GLIS1: variants seen among roughly 807,000 people sequenced by gnomAD.
The protein encoded by GLIS1 is zinc finger protein GLIS1.
In GLIS1, 24 loss-of-function variants were observed where a neutral mutation model predicts 63.8. The observed-to-expected ratio is 0.38, with a 90% CI of 0.27 to 0.53. The LOEUF (loss-of-function observed/expected upper bound fraction) is 0.53, where lower values mean the gene tolerates loss of function less well. GLIS1 is among the 20% of genes least tolerant of loss of function. GLIS1 has a pLI of 0.85. For missense variants in GLIS1, 1,036 were observed against 1,074.1 expected (o/e 0.96, Z 0.50); for synonymous variants, 450 against 482.5 (o/e 0.93, Z 0.88).
chr1:53,556,155 GCTGTGTGTGTGT>G, intron 4 of GLIS1, among the ~76,000 whole-genome samples: 1 of 137,712 alleles, frequency 7.3e-6, no homozygotes, highest in Non-Finnish European at 1.5e-5. Flanking sequence ...GTGTACTGCA[GCTGTGTGTGTGT>G]ATGCAGGTGT....
At chr1:53,648,367 T>G (rs1388506347) in intron 2 of GLIS1, among the ~76,000 whole-genome samples, 2 of 152,134 alleles carry the variant, frequency 1.3e-5, no homozygotes, top group African/African-American at 4.8e-5. Flanking sequence ...CATCGTATGT[T>G]AGATGGGGAG....
chr1:53,688,088 C>T (rs1185614215), intron 2 of GLIS1, among the ~76,000 whole-genome samples: 1 of 152,202 alleles, frequency 6.6e-6, no homozygotes, highest in African/African-American at 2.4e-5. Flanking sequence ...CTGGCCCTGC[C>T]CCAGCGCGTT....
At chr1:53,506,894 G>A (rs566371153) in intron 10 of GLIS1, 118 bp from the exon 11 acceptor site, 13 of 1,046,250 alleles carry the variant, frequency 1.2e-5, no homozygotes, top group East Asian at 1.0e-4. Context: ...GTGTCCCGTC[G>A]GTGGGGCCTG....
At chr1:53,632,422 GATGA>G (rs745423667) in intron 2 of GLIS1, among the ~76,000 whole-genome samples, 3 of 143,362 alleles carry the variant, frequency 2.1e-5, no homozygotes, top group Non-Finnish European at 4.6e-5. Context: ...GGGGCATGTG[GATGA>G]ATATGACTGA....
chr1:53,610,448 A>G (rs1397672804), intron 2 of GLIS1, among the ~76,000 whole-genome samples: 1 of 152,222 alleles, frequency 6.6e-6, no homozygotes, highest in Non-Finnish European at 1.5e-5. Flanking sequence ...TGCTGGGTAT[A>G]GAATTCTAAG....
At chr1:53,662,638 C>T (rs1646041618) in intron 2 of GLIS1, among the ~76,000 whole-genome samples, 1 of 152,134 alleles carries the variant, frequency 6.6e-6, no homozygotes, top group African/African-American at 2.4e-5. Flanking sequence ...GCTTAGCCAA[C>T]TCCATAAGGG....
At chr1:53,533,757 C>T (rs554531205) in intron 4 of GLIS1, among the ~76,000 whole-genome samples, 2 of 151,136 alleles carry the variant, frequency 1.3e-5, no homozygotes, top group South Asian at 2.1e-4. Context: ...CAGCTGGCTG[C>T]CAAGGTCCCT....
Position 53,539,583 on chromosome 1 carries a change from G to A in GLIS1, c.1321-9631C>T, listed in dbSNP as rs1352848718. ...ACACTACACATCATACACATAAACT[G>A]TGTTTACACCCCATGACTCATATCA... On this transcript the variant is annotated intron_variant, in intron 4 of 10. Coordinates refer to ENST00000628545, the MANE Select transcript of GLIS1 (RefSeq NM_001367484.1). The surrounding 1 kb of genome is among the most constrained non-coding windows in gnomAD (Gnocchi z 5.0). Among the ~76,000 whole-genome samples, 6 of 148,304 alleles carry A rather than the reference G, an allele frequency of 4.0e-5. No homozygotes were observed. The highest frequency in any genetic ancestry group is 1.5e-4 in the African/African-American group (6 of 39,890).
chr1:53,575,316 A>T (rs1377886886), intron 4 of GLIS1, among the ~76,000 whole-genome samples: 1 of 152,064 alleles, frequency 6.6e-6, no homozygotes, highest in Admixed American at 6.5e-5. Context: ...CTGAAGACAA[A>T]GCCCAAGCTC....
intron 2 of GLIS1, chr1:53,688,747 G>T (rs549851432): frequency 3.3e-5 from 5 of 152,204 alleles, no homozygotes; most frequent in Admixed American, 1.3e-4. Flanking sequence ...TTTTGTGTGG[G>T]GGGGGATGTT....
chr1:53,587,700 T>C (rs776369727), intron 4 of GLIS1, among the ~76,000 whole-genome samples: 1 of 152,010 alleles, frequency 6.6e-6, no homozygotes, highest in Non-Finnish European at 1.5e-5. Context: ...TTGAGAAAAA[T>C]AGTTACATGC....
At chr1:53,527,508 G>C (rs149732619) in intron 5 of GLIS1, among the ~76,000 whole-genome samples, 1,668 of 152,304 alleles carry the variant, frequency 0.011, 27 homozygotes, top group Admixed American at 0.031. Flanking sequence ...GAGGCCAGGG[G>C]CTTTCCTCAG....
In GLIS1 at chr1:53,511,462, C is replaced by T. The variant is rs1264418040; in HGVS notation, c.1884-1435G>A. ...AACGTTGGCAGCCCCTCCACTGCCC[C>T]TCCAGTCTGCTGTCATCATCCACAC... On this transcript the variant is annotated intron_variant, in intron 8 of 10. Transcript: ENST00000628545. This position sits in a 1 kb window ranked among gnomAD's most constrained non-coding sequence, Gnocchi z 4.2. 6.6e-6 allele frequency among the ~76,000 whole-genome samples: 1 copy of T among 152,188 alleles called. No homozygotes were observed. The highest frequency in any genetic ancestry group is 1.5e-5 in the Non-Finnish European group (1 of 68,030).
rs1452560430 is a variant in GLIS1 at position 53,594,395 on chromosome 1, G to T, written c.1033C>A (p.Leu345Met). 5 of 1,611,636 alleles carry T rather than the reference G, an allele frequency of 3.1e-6. No homozygotes were observed. Among genetic ancestry groups the T allele is most frequent in the Non-Finnish European group, 4.2e-6 (5 of 1,179,194 alleles). The change falls in exon 4 of 11, where the codon CTG becomes ATG. Residue 345 changes from leucine to methionine, a missense_variant. This residue lies in a region of GLIS1 where 592 missense variants were observed against 593.9 expected (regional missense o/e 1.00). Coordinates refer to ENST00000628545, the MANE Select transcript of GLIS1 (RefSeq NM_001367484.1). ...HQQGLPPPYPLSQLPPGPSLG... is the reference protein window; with the variant it reads ...HQQGLPPPYPMSQLPPGPSLG... The stretch of plus-strand genomic sequence containing the variant: ...CTTGGGCCAGGCGGCAACTGAGACA[G>T]GGGATAGGGGGGCGGCAGGCCCTGC...
rs1433580394 is a variant in GLIS1 at position 53,675,659 on chromosome 1, G to A, written c.259+62147C>T. On this transcript the variant is annotated intron_variant, in intron 2 of 10. Coordinates refer to ENST00000628545, the MANE Select transcript of GLIS1 (RefSeq NM_001367484.1). The stretch of plus-strand genomic sequence containing the variant: ...TCAAGCACAGATAGACACTGCCAGG[G>A]GACTTCTCCTCATGGCTCTGAAGGC... Among the ~76,000 whole-genome samples the A allele has an allele frequency of 2.0e-5, 3 of 152,166 alleles. No individual in the cohort carries two copies. In the South Asian group the frequency reaches 6.2e-4, roughly 32 times the overall value.
chr1:53,532,624 C>T (rs536098294), intron 4 of GLIS1, among the ~76,000 whole-genome samples: 3 of 152,368 alleles, frequency 2.0e-5, no homozygotes, highest in Non-Finnish European at 2.9e-5. Context: ...TTCACCCCAA[C>T]GTGAGATGGG....
intron 2 of GLIS1, among the ~76,000 whole-genome samples, chr1:53,686,158 T>C (rs1646334925): frequency 6.6e-6 from 1 of 152,124 alleles, no homozygotes; most frequent in South Asian, 2.1e-4. Flanking sequence ...TCTCTCATGC[T>C]CCACTGTTTC....
intron 4 of GLIS1, among the ~76,000 whole-genome samples, chr1:53,545,269 A>T (rs1644686380): frequency 6.6e-6 from 1 of 152,200 alleles, no homozygotes; most frequent in Non-Finnish European, 1.5e-5. Flanking sequence ...CCATGCAGAG[A>T]CACTGTGGTC....
chr1:53,573,675 CAGTT>C (rs1446334168), intron 4 of GLIS1, among the ~76,000 whole-genome samples: 1 of 152,196 alleles, frequency 6.6e-6, no homozygotes, highest in Non-Finnish European at 1.5e-5. Flanking sequence ...CACACATGCA[CAGTT>C]AGAGACGTGG....
Sources: allele counts gnomAD v4.1 joint callset (sites outside exome capture counted in the v4.1 genomes callset), GRCh38; gene constraint gnomAD v4.1.1; regional missense constraint gnomAD v4.1.1; non-coding constraint Gnocchi (gnomAD v3.1); transcripts MANE v1.5; gene names NCBI Gene and HGNC (gene_info 2026-07-23, HGNC 2026-07-21).